NLGN1: variants seen among roughly 807,000 people sequenced by gnomAD.
The protein encoded by NLGN1 is neuroligin 1, also known as neuroligin-1.
Under a neutral mutation model 65.5 loss-of-function variants are expected in NLGN1, and 12 were observed. The observed-to-expected ratio is 0.18, with a 90% CI of 0.12 to 0.30. The LOEUF (loss-of-function observed/expected upper bound fraction) is 0.30, where lower values mean the gene tolerates loss of function less well. NLGN1 is among the 10% of genes least tolerant of loss of function. The pLI, the probability that NLGN1 is intolerant of heterozygous loss-of-function variation, is 1.00. For synonymous variants in NLGN1, 350 were observed against 359.5 expected (o/e 0.97, Z 0.30); for missense variants, 750 against 1,007.1 (o/e 0.74, Z 3.46).
At chr3:173,472,252 A>G (rs1725437858) in intron 2 of NLGN1, among the ~76,000 whole-genome samples, 1 of 152,114 alleles carries the variant, frequency 6.6e-6, no homozygotes, top group South Asian at 2.1e-4. Context: ...TTGACCACAA[A>G]CATATTCTAC....
At chr3:173,801,742 G>A (rs907438726) in intron 3 of NLGN1, among the ~76,000 whole-genome samples, 2 of 152,112 alleles carry the variant, frequency 1.3e-5, no homozygotes, top group East Asian at 3.9e-4. Context: ...TAAACACAAA[G>A]CAGTCATTAA....
In NLGN1 at chr3:173,881,938, C is replaced by G. The variant is rs140230327; in HGVS notation, c.646+74106C>G. ...GCCCAGATTCGTCAGAAGAATCACT[C>G]TCTATGACATCTATAACCTTTTTAA... is the stretch of plus-strand genomic sequence containing the variant. On this transcript the variant is annotated intron_variant, in intron 4 of 6. Coordinates refer to ENST00000457714, the Ensembl canonical transcript of NLGN1. Among the ~76,000 whole-genome samples, 451 of 152,224 alleles carry G rather than the reference C, an allele frequency of 3.0e-3. 4 individuals carry two copies. Among genetic ancestry groups the G allele is most frequent in the African/African-American group, 0.011 (437 of 41,502 alleles).
intron 4 of NLGN1, among the ~76,000 whole-genome samples, chr3:173,880,670 A>G (rs964679923): frequency 1.3e-5 from 2 of 152,148 alleles, no homozygotes; most frequent in African/African-American, 2.4e-5. Context: ...GTTCTTGCCT[A>G]AACTAAGGCT....
At chr3:173,645,198 C>T (rs973785727) in intron 3 of NLGN1, among the ~76,000 whole-genome samples, 6 of 152,204 alleles carry the variant, frequency 3.9e-5, no homozygotes, top group African/African-American at 7.2e-5. Context: ...GCTGAGCTGT[C>T]GCTTAAGAGA....
intron 2 of NLGN1, among the ~76,000 whole-genome samples, chr3:173,602,794 T>C (rs1353802359): frequency 6.6e-6 from 1 of 152,010 alleles, no homozygotes; most frequent in Non-Finnish European, 1.5e-5. Context: ...TGTGGCCCAC[T>C]ATGATGCTGC....
At chr3:174,157,957 CA>C in intron 4 of NLGN1, among the ~76,000 whole-genome samples, 1 of 151,842 alleles carries the variant, frequency 6.6e-6, no homozygotes, top group South Asian at 2.1e-4. Context: ...ACACCACTTA[CA>C]AAAATTACTT....
At chr3:173,417,302 T>C (rs536680006) in intron 1 of NLGN1, among the ~76,000 whole-genome samples, 1 of 152,040 alleles carries the variant, frequency 6.6e-6, no homozygotes, top group South Asian at 2.1e-4. Flanking sequence ...CTTTTTTAAA[T>C]GGTCTTTTTC....
chr3:173,753,304 A>G (rs1776581840), intron 3 of NLGN1, among the ~76,000 whole-genome samples: 1 of 152,148 alleles, frequency 6.6e-6, no homozygotes, highest in South Asian at 2.1e-4. Flanking sequence ...GATATCCAAT[A>G]GTCATCTCAA....
intron 3 of NLGN1, among the ~76,000 whole-genome samples, chr3:173,759,669 G>A (rs1403152470): frequency 6.6e-6 from 1 of 151,800 alleles, no homozygotes; most frequent in African/African-American, 2.4e-5. Context: ...CTTACACTCT[G>A]GGGTTGTTCA....
chr3:173,532,319 C>A (rs1295078407), intron 2 of NLGN1, among the ~76,000 whole-genome samples: 1 of 152,102 alleles, frequency 6.6e-6, no homozygotes, highest in Non-Finnish European at 1.5e-5. Flanking sequence ...TCTCTTAGGG[C>A]AAATTGTGGA....
intron 2 of NLGN1, among the ~76,000 whole-genome samples, chr3:173,481,191 T>C (rs560374167): frequency 6.6e-6 from 1 of 152,030 alleles, no homozygotes; most frequent in African/African-American, 2.4e-5. Context: ...AGAGAGATTA[T>C]TTACACAGGG....
chr3:173,464,396 A>T (rs118030667), intron 2 of NLGN1, among the ~76,000 whole-genome samples: 1 of 151,802 alleles, frequency 6.6e-6, no homozygotes, highest in East Asian at 1.9e-4. Flanking sequence ...GTATAAATCC[A>T]CATTATTCAT....
chr3:173,957,779 C>G (rs1712463158), intron 4 of NLGN1, among the ~76,000 whole-genome samples: 1 of 152,212 alleles, frequency 6.6e-6, no homozygotes, highest in African/African-American at 2.4e-5. Flanking sequence ...CAGCCAGAAA[C>G]CTCCGTAGCC....
At chr3:173,457,954 A>G (rs1451817709) in intron 2 of NLGN1, among the ~76,000 whole-genome samples, 1 of 152,076 alleles carries the variant, frequency 6.6e-6, no homozygotes, top group African/African-American at 2.4e-5. Flanking sequence ...ATTGTTGCAG[A>G]ACCAGGAGTT....
chr3:174,240,041 G>A (rs540623651), intron 4 of NLGN1, among the ~76,000 whole-genome samples: 37 of 152,138 alleles, frequency 2.4e-4, no homozygotes, highest in African/African-American at 7.9e-4. Context: ...TGAAACAGAG[G>A]CATAAATCAG....
intron 4 of NLGN1, among the ~76,000 whole-genome samples, chr3:173,911,405 A>G (rs1475326802): frequency 6.6e-6 from 1 of 152,214 alleles, no homozygotes; most frequent in African/African-American, 2.4e-5. Context: ...AAATATTGTA[A>G]TCATCCAGAA....
At chr3:173,997,816 T>G (rs963151231) in intron 4 of NLGN1, among the ~76,000 whole-genome samples, 23 of 152,180 alleles carry the variant, frequency 1.5e-4, no homozygotes, top group Non-Finnish European at 7.3e-5. Context: ...AAAAGGGCTT[T>G]TACACCTTAC....
intron 3 of NLGN1, among the ~76,000 whole-genome samples, chr3:173,799,978 G>C (rs1344942128): frequency 1.4e-5 from 2 of 138,876 alleles, no homozygotes; most frequent in Admixed American, 7.3e-5. Flanking sequence ...TAATAAAACT[G>C]TTTACTTTTT....
At chr3:174,072,895 T>G (rs558782731) in intron 4 of NLGN1, among the ~76,000 whole-genome samples, 1 of 152,224 alleles carries the variant, frequency 6.6e-6, no homozygotes, top group Non-Finnish European at 1.5e-5. Context: ...ATTTGAAACA[T>G]AAATGACTCA....
Sources: allele counts gnomAD v4.1 joint callset (sites outside exome capture counted in the v4.1 genomes callset), GRCh38; gene constraint gnomAD v4.1.1; transcripts MANE v1.5; gene names NCBI Gene and HGNC (gene_info 2026-07-23, HGNC 2026-07-21).